Variants in NRCAM observed in about 807,000 individuals in gnomAD.
NRCAM encodes the protein neuronal cell adhesion molecule.
A neutral mutation model predicts 156.5 loss-of-function variants in NRCAM; 83 were observed. The ratio of observed to expected loss-of-function variants is 0.53; its 90% CI spans 0.44 to 0.64. The LOEUF is 0.64. NRCAM is among the 30% of genes least tolerant of loss of function. The pLI is 0.00. For missense variants in NRCAM, 1,417 were observed against 1,597.3 expected (o/e 0.89, Z 1.92); for synonymous variants, 538 against 563.9 (o/e 0.95, Z 0.65).
At position 108,181,858 on chromosome 7, in the gene NRCAM, A is replaced by G. The variant is rs772552436; in HGVS notation, c.2610T>C (p.Pro870=). Residue 870 remains proline, a synonymous_variant, in exon 24 of 33, where the codon CCT becomes CCC. Coordinates refer to ENST00000379028, the MANE Select transcript of NRCAM (RefSeq NM_001037132.4). The stretch of plus-strand genomic sequence containing the variant: ...GTAGGTGTCCTCGGATGCTTTTCAG[A>G]GGTACTGGGTCCCAGTGCACCTCGG... ...TLAEVHWDPV[P]LKSIRGHLQG... 6.2e-7 allele frequency: 1 copy of G among 1,614,056 alleles called. No homozygotes were observed. Among genetic ancestry groups the G allele is most frequent in the South Asian group, 1.1e-5 (1 of 91,064 alleles).
intron 29 of NRCAM, among the ~76,000 whole-genome samples, chr7:108,167,464 A>G (rs1193339615): frequency 6.6e-6 from 1 of 151,786 alleles, no homozygotes; most frequent in African/African-American, 2.4e-5. Flanking sequence ...TTGTTTTTTT[A>G]TGATTCACAA....
At position 108,203,214 on chromosome 7, in the gene NRCAM, A is replaced by G. The variant is rs116742562; in HGVS notation, c.1207+4314T>C. On this transcript the variant is annotated intron_variant, in intron 13 of 32. Coordinates refer to ENST00000379028, the MANE Select transcript of NRCAM (RefSeq NM_001037132.4). ...CCCTCCCATTACACAATAAAATTAAAGCTCTCTTTCAGCACTAGTTCTCTG... is the reference window on the plus strand; with the variant it reads ...CCCTCCCATTACACAATAAAATTAAGGCTCTCTTTCAGCACTAGTTCTCTG... Among the ~76,000 whole-genome samples the G allele has an allele frequency of 6.3e-3, 963 of 152,238 alleles. 15 individuals are homozygous for G. Among genetic ancestry groups the G allele is most frequent in the African/African-American group, 0.022 (919 of 41,534 alleles).
intron 25 of NRCAM, among the ~76,000 whole-genome samples, chr7:108,179,490 T>C (rs2062363211): frequency 2.0e-5 from 3 of 152,210 alleles, no homozygotes; most frequent in Admixed American, 1.3e-4. Context: ...GGCATATTGT[T>C]GCAAAATTTA....
At chr7:108,190,997 C>A (rs1471381132) in intron 19 of NRCAM, among the ~76,000 whole-genome samples, 1 of 152,116 alleles carries the variant, frequency 6.6e-6, no homozygotes, top group Non-Finnish European at 1.5e-5. Context: ...CAAAGAGGGA[C>A]TTTTATCAAA....
chr7:108,154,301 T>A (rs1465709009), intron 32 of NRCAM, among the ~76,000 whole-genome samples: 1 of 152,192 alleles, frequency 6.6e-6, no homozygotes, highest in South Asian at 2.1e-4. Flanking sequence ...CATATTTTTA[T>A]GCTATCATAA....
At chr7:108,272,512 G>A (rs150899878) in intron 3 of NRCAM, among the ~76,000 whole-genome samples, 37 of 152,176 alleles carry the variant, frequency 2.4e-4, no homozygotes, top group East Asian at 1.2e-3. Flanking sequence ...ATGTTTGTAC[G>A]TTTTACTGAA....
intron 10 of NRCAM, among the ~76,000 whole-genome samples, chr7:108,225,297 C>G (rs940999941): frequency 1.3e-5 from 2 of 152,068 alleles, no homozygotes; most frequent in African/African-American, 4.8e-5. Context: ...GTTAATGCAC[C>G]CTGCCAACTC....
intron 3 of NRCAM, among the ~76,000 whole-genome samples, chr7:108,279,169 G>A (rs1393061143): frequency 6.6e-6 from 1 of 152,230 alleles, no homozygotes; most frequent in African/African-American, 2.4e-5. Flanking sequence ...CCTGGCATAA[G>A]TGTAGCATGA....
intron 28 of NRCAM, among the ~76,000 whole-genome samples, chr7:108,172,487 G>A (rs1011766150): frequency 6.6e-6 from 1 of 152,074 alleles, no homozygotes; most frequent in Non-Finnish European, 1.5e-5. Context: ...GTAGAGATGG[G>A]GTTTCACCAT....
chr7:108,349,774 T>C (rs1396233814), intron 2 of NRCAM, among the ~76,000 whole-genome samples: 2 of 152,158 alleles, frequency 1.3e-5, no homozygotes, highest in African/African-American at 4.8e-5. Context: ...TAAAGCACAA[T>C]AGTCTCTGAC....
intron 1 of NRCAM, among the ~76,000 whole-genome samples, chr7:108,404,060 G>A (rs2099800645): frequency 1.3e-5 from 2 of 152,078 alleles, no homozygotes; most frequent in Non-Finnish European, 2.9e-5. Flanking sequence ...CAGTATGCCT[G>A]CCCAGAGCAA....
rs1324404415 is a variant in NRCAM, at chr7:108,343,947, CA to C, written c.-173-31217del. 3.3e-5 allele frequency among the ~76,000 whole-genome samples: 5 copies of C among 152,318 alleles called. No homozygotes were observed. The East Asian group carries it at 9.7e-4, about 29-fold the overall frequency. On this transcript the variant is annotated intron_variant, in intron 2 of 32. Coordinates refer to ENST00000379028, the MANE Select transcript of NRCAM (RefSeq NM_001037132.4). ...AGCTGTAAAACTACACATCGTTCTT[CA>C]AATGGATCCCCAGAGGCAGTCCATG...
intron 3 of NRCAM, among the ~76,000 whole-genome samples, chr7:108,267,146 T>C (rs141227154): frequency 4.6e-5 from 7 of 152,328 alleles, no homozygotes; most frequent in Non-Finnish European, 1.0e-4. Context: ...CCAGAATCTT[T>C]TATAATAAGC....
intron 3 of NRCAM, among the ~76,000 whole-genome samples, chr7:108,288,378 C>G (rs1003851909): frequency 1.3e-5 from 2 of 152,036 alleles, no homozygotes; most frequent in Non-Finnish European, 2.9e-5. Flanking sequence ...ATTTGTACCC[C>G]TAAATCCATA....
intron 2 of NRCAM, among the ~76,000 whole-genome samples, chr7:108,349,052 C>A (rs1303870818): frequency 1.3e-5 from 2 of 152,026 alleles, no homozygotes; most frequent in Non-Finnish European, 2.9e-5. Context: ...TGTACAAAAA[C>A]CTAAGTATGA....
intron 28 of NRCAM, among the ~76,000 whole-genome samples, chr7:108,171,391 C>T (rs962958236): frequency 4.6e-5 from 7 of 152,340 alleles, no homozygotes; most frequent in African/African-American, 1.7e-4. Flanking sequence ...GCCCACTGCT[C>T]CAGTCCCATC....
At chr7:108,255,740 G>A (rs1293137496) in intron 3 of NRCAM, among the ~76,000 whole-genome samples, 10 of 145,638 alleles carry the variant, frequency 6.9e-5, no homozygotes, top group African/African-American at 2.3e-4. Flanking sequence ...GCCCGGCCAC[G>A]ACCCCGTCTG....
At chr7:108,196,954 A>C (rs2075462954) in intron 14 of NRCAM, among the ~76,000 whole-genome samples, 1 of 152,196 alleles carries the variant, frequency 6.6e-6, no homozygotes, top group African/African-American at 2.4e-5. Context: ...AGTGCCCACC[A>C]ATGAATGAAT....
chr7:108,434,614 G>A (rs1276301312), intron 1 of NRCAM, among the ~76,000 whole-genome samples: 1 of 151,894 alleles, frequency 6.6e-6, no homozygotes, highest in African/African-American at 2.4e-5. Flanking sequence ...TAAGAGCTGG[G>A]AGAAGACTTG....
Sources: allele counts gnomAD v4.1 joint callset (sites outside exome capture counted in the v4.1 genomes callset), GRCh38; gene constraint gnomAD v4.1.1; transcripts MANE v1.5; gene names NCBI Gene and HGNC (gene_info 2026-07-23, HGNC 2026-07-21).